Variants in TEX36 observed in about 807,000 individuals in gnomAD.
The protein encoded by TEX36 is testis-expressed protein 36.
Under a neutral mutation model 13.6 loss-of-function variants are expected in TEX36, and 12 were observed. The observed-to-expected ratio is 0.88, with a 90% CI of 0.56 to 1.43. The LOEUF (loss-of-function observed/expected upper bound fraction) is 1.43. Among genes scored for constraint, TEX36 ranks in the 40% most tolerant of loss-of-function variants. The pLI is 0.00. For missense variants in TEX36, 224 were observed against 228.3 expected (o/e 0.98, Z 0.12); for synonymous variants, 93 against 83.0 (o/e 1.12, Z -0.65).
chr10:125,666,100 G>A (rs1847116852), intron 1 of TEX36, among the ~76,000 whole-genome samples: 1 of 152,034 alleles, frequency 6.6e-6, no homozygotes, highest in Non-Finnish European at 1.5e-5. Context: ...TTTTTTGGTA[G>A]AGTATTTAGG....
chr10:125,658,369 A>G (rs888775642), intron 3 of TEX36, among the ~76,000 whole-genome samples: 14 of 152,200 alleles, frequency 9.2e-5, no homozygotes, highest in Non-Finnish European at 1.6e-4. Flanking sequence ...CATGAAAATA[A>G]AACAACAAAA....
intron 3 of TEX36, among the ~76,000 whole-genome samples, chr10:125,599,162 GAA>G (rs1290387109): frequency 1.3e-5 from 2 of 152,092 alleles, no homozygotes; most frequent in Admixed American, 1.3e-4. Context: ...GGAAGATTTG[GAA>G]AATGGAAGAA....
At chr10:125,590,583 G>A (rs1210207162) in intron 3 of TEX36, among the ~76,000 whole-genome samples, 2 of 152,134 alleles carry the variant, frequency 1.3e-5, no homozygotes, top group Non-Finnish European at 2.9e-5. Flanking sequence ...ATTATTACTA[G>A]GCTAAAAGTG....
intron 3 of TEX36, among the ~76,000 whole-genome samples, chr10:125,643,876 C>A (rs569723605): frequency 1.3e-5 from 2 of 152,298 alleles, no homozygotes; most frequent in Non-Finnish European, 2.9e-5. Flanking sequence ...GGTGCCACCG[C>A]ACTCCAGCCT....
At chr10:125,662,107 A>T in intron 1 of TEX36, 130 bp from the exon 2 acceptor site, 1 of 1,205,868 alleles carries the variant, frequency 8.3e-7, no homozygotes, top group Non-Finnish European at 1.1e-6. Flanking sequence ...AAATGGCATA[A>T]TTTTTGTAAT....
intron 3 of TEX36, among the ~76,000 whole-genome samples, chr10:125,585,779 A>G (rs957270296): frequency 6.6e-6 from 1 of 152,198 alleles, no homozygotes; most frequent in African/African-American, 2.4e-5. Flanking sequence ...ATCAAAATCC[A>G]TAGTTTTCTC....
chr10:125,650,749 A>G (rs890611680), downstream of TEX36, among the ~76,000 whole-genome samples: 1 of 152,182 alleles, frequency 6.6e-6, no homozygotes, highest in Non-Finnish European at 1.5e-5. Flanking sequence ...TTGATAGACC[A>G]CTAGCAAGAC....
chr10:125,583,907 C>T (rs1589739661), intron 3 of TEX36, among the ~76,000 whole-genome samples: 2 of 152,182 alleles, frequency 1.3e-5, no homozygotes, highest in East Asian at 3.8e-4. Flanking sequence ...CCGCTTCTCC[C>T]ACCCAGAGAG....
intron 3 of TEX36, among the ~76,000 whole-genome samples, chr10:125,630,679 C>T (rs566381552): frequency 1.3e-5 from 2 of 152,070 alleles, no homozygotes; most frequent in Admixed American, 6.6e-5. Context: ...CCATGCATGT[C>T]GATGGGAAAC....
chr10:125,640,372 G>C (rs544253996), intron 3 of TEX36, among the ~76,000 whole-genome samples: 1 of 152,118 alleles, frequency 6.6e-6, no homozygotes, highest in South Asian at 2.1e-4. Flanking sequence ...GAAATCACAC[G>C]CTACACCTAA....
chr10:125,643,215 G>A (rs1233893704), intron 3 of TEX36, among the ~76,000 whole-genome samples: 1 of 152,230 alleles, frequency 6.6e-6, no homozygotes, highest in Non-Finnish European at 1.5e-5. Flanking sequence ...CAGTAAACAG[G>A]CTGGGAGCCC....
intron 3 of TEX36, among the ~76,000 whole-genome samples, chr10:125,637,005 A>C (rs1846631228): frequency 6.6e-6 from 1 of 152,070 alleles, no homozygotes; most frequent in Non-Finnish European, 1.5e-5. Context: ...AACATCTCAG[A>C]TAAGTAGAAT....
chr10:125,581,998 G>A (rs375136094), intron 3 of TEX36, among the ~76,000 whole-genome samples: 1 of 152,232 alleles, frequency 6.6e-6, no homozygotes, highest in Non-Finnish European at 1.5e-5. Context: ...CCACAGTGAC[G>A]CATGGTCTTA....
chr10:125,587,892 T>C (rs1011505065), intron 3 of TEX36, among the ~76,000 whole-genome samples: 13 of 152,176 alleles, frequency 8.5e-5, no homozygotes, highest in African/African-American at 3.1e-4. Flanking sequence ...TAATAGTTCT[T>C]CTGTGCCTTG....
chr10:125,588,700 C>T (rs1048135554), intron 3 of TEX36, among the ~76,000 whole-genome samples: 4 of 152,144 alleles, frequency 2.6e-5, no homozygotes, highest in East Asian at 1.9e-4. Flanking sequence ...CTGCAAACTC[C>T]GCCTCCCGGG....
intron 3 of TEX36, among the ~76,000 whole-genome samples, chr10:125,607,598 GAC>G (rs879757221): frequency 7.9e-5 from 12 of 152,100 alleles, no homozygotes; most frequent in Non-Finnish European, 1.6e-4. Context: ...TCATGACAGA[GAC>G]ACATCCTCAT....
intron 3 of TEX36, among the ~76,000 whole-genome samples, chr10:125,642,844 A>C (rs1159160434): frequency 4.6e-5 from 7 of 152,028 alleles, no homozygotes; most frequent in Non-Finnish European, 1.0e-4. Flanking sequence ...ATTTAATCGC[A>C]TTGGTTGGTT....
chr10:125,677,298 T>A lies in TEX36; in HGVS notation c.51+5641A>T, dbSNP rs189143482. Among the ~76,000 whole-genome samples the A allele has an allele frequency of 1.6e-3, 248 of 152,314 alleles. 2 individuals carry two copies. Among genetic ancestry groups the A allele is most frequent in the Admixed American group, 0.015 (226 of 15,302 alleles). The stretch of plus-strand genomic sequence containing the variant: ...TTATTGTGTTAAATAGGTTTTCTAA[T>A]CTTTTCTTTGTCTCTTTTCTCTGGA... On this transcript the variant is annotated intron_variant, in intron 1 of 3. Coordinates refer to ENST00000368821, the MANE Select transcript of TEX36 (RefSeq NM_001128202.3).
At chr10:125,579,941 G>A (rs1565165506) in intron 3 of TEX36, among the ~76,000 whole-genome samples, 1 of 152,118 alleles carries the variant, frequency 6.6e-6, no homozygotes, top group Non-Finnish European at 1.5e-5. Flanking sequence ...TGTGAGAATG[G>A]ACTAATACAG....
Sources: gnomAD v4.1 joint callset for allele counts (sites outside exome capture counted in the v4.1 genomes callset) on GRCh38, gnomAD v4.1.1 for gene constraint, MANE v1.5 for transcripts, NCBI Gene and HGNC (gene_info 2026-07-23, HGNC 2026-07-21) for gene names.